The following SLC30A7 variants were observed in gnomAD, a reference collection of about 807,000 sequenced individuals.
SLC30A7 encodes the protein solute carrier family 30 member 7.
A neutral mutation model predicts 46.0 loss-of-function variants in SLC30A7; 35 were observed. That is an observed-to-expected ratio of 0.76 (90% CI 0.58 to 1.01). The LOEUF (loss-of-function observed/expected upper bound fraction) is 1.01. Among genes scored for constraint, SLC30A7 ranks in the 50% least tolerant of loss-of-function variants. The pLI, the probability that SLC30A7 is intolerant of heterozygous loss-of-function variation, is 0.00. For synonymous variants in SLC30A7, 147 were observed against 157.8 expected (o/e 0.93, Z 0.51); for missense variants, 464 against 451.1 (o/e 1.03, Z -0.26).
chr1:100,973,780 C>G (rs968570991), intron 10 of SLC30A7, among the ~76,000 whole-genome samples: 2 of 152,006 alleles, frequency 1.3e-5, no homozygotes, highest in Non-Finnish European at 2.9e-5. Context: ...AGTGAATATT[C>G]TCTGGAAGCC....
rs140486668 is a variant in SLC30A7 at position 100,936,284 on chromosome 1, C to T, written c.842+14443C>T. Reference sequence around the variant, plus strand: ...GTCTGGTCAGTTTTGGAATGAGTACCTATGGAAGTGGAGGATCTGATATTT... The same window carrying T: ...GTCTGGTCAGTTTTGGAATGAGTACTTATGGAAGTGGAGGATCTGATATTT... On this transcript the variant is annotated intron_variant, in intron 8 of 10. Transcript: ENST00000357650. Among the ~76,000 whole-genome samples the T allele has an allele frequency of 3.3e-3, 498 of 152,208 alleles. 3 individuals carry two copies. The highest frequency in any genetic ancestry group is 5.3e-3 in the Non-Finnish European group (358 of 67,996).
chr1:100,913,940 C>A, intron 6 of SLC30A7, 134 bp downstream of exon 6: 1 of 1,276,620 alleles, frequency 7.8e-7, no homozygotes, highest in Non-Finnish European at 1.0e-6. Context: ...CTAAATGGTT[C>A]CCAGGGCTAG....
Position 100,945,767 on chromosome 1 carries a change from C to T in SLC30A7, c.843-16061C>T, listed in dbSNP as rs534955913. 1.2e-3 allele frequency among the ~76,000 whole-genome samples: 176 copies of T among 152,210 alleles called. 1 individual carries two copies. Among genetic ancestry groups the T allele is most frequent in the African/African-American group, 4.1e-3 (171 of 41,516 alleles). On this transcript the variant is annotated intron_variant, in intron 8 of 10. Coordinates refer to ENST00000357650, the MANE Select transcript of SLC30A7 (RefSeq NM_133496.5). ...TTTGCTTAGGATTGTCTTGGCAATG[C>T]GGGCTCTTTTTTGGTTCCATATGGA...
At chr1:100,957,900 A>G (rs1655314695) in intron 8 of SLC30A7, among the ~76,000 whole-genome samples, 1 of 152,138 alleles carries the variant, frequency 6.6e-6, no homozygotes, top group African/African-American at 2.4e-5. Context: ...GTAAAGAAAA[A>G]TGATGGTTGA....
At chr1:100,953,715 T>C (rs1157440679) in intron 8 of SLC30A7, among the ~76,000 whole-genome samples, 1 of 152,230 alleles carries the variant, frequency 6.6e-6, no homozygotes, top group African/African-American at 2.4e-5. Flanking sequence ...CAAAGCCGTG[T>C]ATATTTTCTG....
rs1458772276 is a variant in SLC30A7, at chr1:100,904,092, TATTGAAGTGATGGCTAA to T, written c.183-2754_183-2738del. ...ATTATGACACTTTTATACTATACTC[TATTGAAGTGATGGCTAA>T]ATTGAGGCACAAAGAAGTTAAGTAA... On this transcript the variant is annotated intron_variant, in intron 2 of 10. Coordinates refer to ENST00000357650, the MANE Select transcript of SLC30A7 (RefSeq NM_133496.5). Among the ~76,000 whole-genome samples the T allele has an allele frequency of 3.9e-4, 59 of 152,266 alleles. No individual in the cohort carries two copies. In the East Asian group the frequency reaches 9.1e-3, roughly 23 times the overall value.
At chr1:100,941,202 G>A (rs1381760372) in intron 8 of SLC30A7, 12 of 370,260 alleles carry the variant, frequency 3.2e-5, no homozygotes, top group South Asian at 2.2e-4. Flanking sequence ...GTAGCTTTCA[G>A]CACCTCCAAA....
chr1:100,965,476 G>C (rs867635463), intron 9 of SLC30A7, among the ~76,000 whole-genome samples: 1 of 152,156 alleles, frequency 6.6e-6, no homozygotes, highest in Non-Finnish European at 1.5e-5. Flanking sequence ...TCATAAATAA[G>C]TGTTGGACTT....
In SLC30A7 at chr1:100,940,929, C is replaced by T. The variant is rs114651223; in HGVS notation, c.842+19088C>T. 3.1e-3 allele frequency: 1,174 copies of T among 382,902 alleles called. 18 individuals are homozygous for T. Among genetic ancestry groups the T allele is most frequent in the African/African-American group, 0.02 (954 of 46,744 alleles). The allele number at this position is 382,902 out of a possible 1,614,324, so 23.7% of individuals were successfully genotyped here. ...TAGGCCCTGCCACCACTGTGCTTGG[C>T]TGAATTCACAAATCCGTTGTAACCT... On this transcript the variant is annotated intron_variant, in intron 8 of 10. Coordinates refer to ENST00000357650, the MANE Select transcript of SLC30A7 (RefSeq NM_133496.5).
chr1:100,903,005 A>G (rs1335658325), intron 2 of SLC30A7, among the ~76,000 whole-genome samples: 1 of 152,148 alleles, frequency 6.6e-6, no homozygotes, highest in Non-Finnish European at 1.5e-5. Context: ...ATTTACAATG[A>G]ATGCCCTGCC....
intron 2 of SLC30A7, among the ~76,000 whole-genome samples, chr1:100,900,442 T>C (rs1190733074): frequency 1.3e-5 from 2 of 152,224 alleles, no homozygotes; most frequent in African/African-American, 2.4e-5. Flanking sequence ...AGAAAAATAC[T>C]TCTATCAATC....
At chr1:100,994,230 A>C in the SLC30A7 span, among the ~76,000 whole-genome samples, 1 of 151,794 alleles carries the variant, frequency 6.6e-6, no homozygotes, top group Non-Finnish European at 1.5e-5. Context: ...ACTTTCATAA[A>C]ATTTATGGTT....
intron 8 of SLC30A7, among the ~76,000 whole-genome samples, chr1:100,945,625 TG>T (rs1557998044): frequency 6.6e-6 from 1 of 152,236 alleles, no homozygotes; most frequent in Non-Finnish European, 1.5e-5. Flanking sequence ...CTGGGGCCTC[TG>T]TTCTGTTCCA....
chr1:100,958,870 A>G (rs975896667), intron 8 of SLC30A7, among the ~76,000 whole-genome samples: 1 of 152,212 alleles, frequency 6.6e-6, no homozygotes, highest in African/African-American at 2.4e-5. Context: ...CAATGTAGTA[A>G]TAGTATAGGT....
intron 8 of SLC30A7, among the ~76,000 whole-genome samples, chr1:100,947,203 A>G (rs1469758443): frequency 6.6e-6 from 1 of 152,068 alleles, no homozygotes; most frequent in African/African-American, 2.4e-5. Context: ...TAGTGCTATA[A>G]TTTTCCCACT....
chr1:100,983,047 T>C (rs1657040000), downstream of SLC30A7, among the ~76,000 whole-genome samples: 1 of 152,210 alleles, frequency 6.6e-6, no homozygotes, highest in African/African-American at 2.4e-5. Flanking sequence ...CTGGTCTTGC[T>C]TTCCCAGTTT....
chr1:100,942,845 A>G (rs1264738215), intron 8 of SLC30A7, among the ~76,000 whole-genome samples: 1 of 152,218 alleles, frequency 6.6e-6, no homozygotes, highest in Admixed American at 6.5e-5. Flanking sequence ...GTAAAAGGGC[A>G]GTTAATCTAC....
Position 100,937,431 on chromosome 1 carries a change from A to G in SLC30A7, c.842+15590A>G, listed in dbSNP as rs528112763. On this transcript the variant is annotated intron_variant, in intron 8 of 10. Transcript: ENST00000357650. ...GTTGTAATTTCTCCACATGCTTTCCAAAACTTGTTATTTTCTGTTTTGTTT... is the reference window on the plus strand; with the variant it reads ...GTTGTAATTTCTCCACATGCTTTCCGAAACTTGTTATTTTCTGTTTTGTTT... 1.3e-3 allele frequency among the ~76,000 whole-genome samples: 203 copies of G among 152,300 alleles called. 1 individual carries two copies. Among genetic ancestry groups the G allele is most frequent in the African/African-American group, 4.5e-3 (189 of 41,584 alleles).
At chr1:100,954,046 A>G (rs184410413) in intron 8 of SLC30A7, among the ~76,000 whole-genome samples, 4 of 152,336 alleles carry the variant, frequency 2.6e-5, no homozygotes, top group African/African-American at 7.2e-5. Flanking sequence ...ACGTCAAACA[A>G]GGGCTGGTTT....
Sources: gnomAD v4.1 joint callset for allele counts (sites outside exome capture counted in the v4.1 genomes callset) on GRCh38, gnomAD v4.1.1 for gene constraint, MANE v1.5 for transcripts, NCBI Gene and HGNC (gene_info 2026-07-23, HGNC 2026-07-21) for gene names.